Variants in NMRK2 observed in about 807,000 individuals in gnomAD.
The protein encoded by NMRK2 is nicotinamide riboside kinase 2.
In NMRK2, 34 loss-of-function variants were observed where a neutral mutation model predicts 24.7. The observed-to-expected ratio is 1.37, with a 90% confidence interval of 1.05 to 1.83. The LOEUF is 1.83. Among genes scored for constraint, NMRK2 ranks in the 40% most tolerant of loss-of-function variants. NMRK2 has a pLI of 0.00. For synonymous variants in NMRK2, 145 were observed against 125.6 expected, an observed-to-expected ratio of 1.15 and a Z score of -1.03; for missense variants, 341 against 315.0, an observed-to-expected ratio of 1.08 and a Z score of -0.62.
chr19:3,938,722 ATCCTCC>A lies in NMRK2; in HGVS notation c.291_296del (p.Leu98_Leu99del). On this transcript the variant is annotated inframe_deletion, in exon 5 of 8. Coordinates refer to ENST00000168977, the MANE Select transcript of NMRK2 (RefSeq NM_170678.3). ...CCAGCCAGAGGCCTCGGACACCCACATCCTCCTCCTGGAAGGCTTCCTGCTCTACAG... is the reference window on the plus strand; with the variant it reads ...CCAGCCAGAGGCCTCGGACACCCACATCCTGGAAGGCTTCCTGCTCTACAG... The A allele has an allele frequency of 6.2e-7, 1 of 1,608,382 alleles. No individual in the cohort carries two copies. The highest frequency in any genetic ancestry group is 8.5e-7 in the Non-Finnish European group (1 of 1,178,036).
intron 2 of NMRK2, among the ~76,000 whole-genome samples, chr19:3,935,287 G>A (rs1047507373): frequency 4.1e-5 from 5 of 122,612 alleles, no homozygotes; most frequent in Non-Finnish European, 6.4e-5. Flanking sequence ...ACAAAATCTC[G>A]TTCTGTCACC....
At chr19:3,936,696 G>A (rs1353337979) in intron 3 of NMRK2, 31 bp downstream of exon 3, 3 of 1,526,400 alleles carry the variant, frequency 2.0e-6, no homozygotes, top group East Asian at 2.4e-5. Flanking sequence ...AGGTGGAGCT[G>A]AGAGGGGATG....
At chr19:3,936,009 G>A (rs962824147) in intron 2 of NMRK2, among the ~76,000 whole-genome samples, 5 of 152,064 alleles carry the variant, frequency 3.3e-5, no homozygotes, top group South Asian at 2.1e-4. Flanking sequence ...TTAGGAGTTC[G>A]AGACCAGCCT....
At chr19:3,938,160 A>C (rs1173057017) in intron 4 of NMRK2, among the ~76,000 whole-genome samples, 2 of 61,236 alleles carry the variant, frequency 3.3e-5, no homozygotes, top group African/African-American at 6.6e-5. Flanking sequence ...CCCGGGGTCC[A>C]CCCTCCTGCA....
At chr19:3,934,086 A>G (rs2039169293) in intron 2 of NMRK2, among the ~76,000 whole-genome samples, 1 of 152,068 alleles carries the variant, frequency 6.6e-6, no homozygotes, top group East Asian at 1.9e-4. Flanking sequence ...CGTCTCTACT[A>G]AAAATACAAA....
chr19:3,939,128 C>T (rs763651062), intron 5 of NMRK2, among the ~76,000 whole-genome samples: 20 of 151,790 alleles, frequency 1.3e-4, no homozygotes, highest in African/African-American at 3.4e-4. Flanking sequence ...GGATTACAGG[C>T]GTGAGCCACC....
chr19:3,939,848 C>A (rs368814465), intron 5 of NMRK2, 52 bp from the exon 6 acceptor site: 2 of 1,514,230 alleles, frequency 1.3e-6, no homozygotes, highest in Non-Finnish European at 1.8e-6. Context: ...ATTTTGACTG[C>A]GGTTGAAGGA....
intron 5 of NMRK2, 125 bp downstream of exon 5, chr19:3,938,884 T>A: frequency 2.5e-6 from 2 of 807,296 alleles, no homozygotes; most frequent in Non-Finnish European, 3.5e-6. Context: ...GTTTTGCTCT[T>A]GTTGCCCAGG....
At chr19:3,941,974 G>A in intron 7 of NMRK2, 109 bp from the exon 8 acceptor site, 1 of 861,684 alleles carries the variant, frequency 1.2e-6, no homozygotes, top group Admixed American at 2.5e-5. Context: ...ACTGACTCCA[G>A]CAGCCCGACT....
intron 2 of NMRK2, 96 bp from the exon 3 acceptor site, chr19:3,936,479 C>A: frequency 1.3e-6 from 1 of 755,050 alleles, no homozygotes; most frequent in Non-Finnish European, 2.1e-6. Flanking sequence ...ATGGACAGGC[C>A]CCGGGGAGCC....
intron 7 of NMRK2, 49 bp downstream of exon 7, chr19:3,941,226 C>G: frequency 1.1e-6 from 1 of 889,982 alleles, no homozygotes; most frequent in South Asian, 1.4e-5. Flanking sequence ...GCGGGGGGGA[C>G]CCTGGGCCCA....
chr19:3,938,826 TTTTTTTTTTTTTTTTTTG>T (rs2039269221), intron 5 of NMRK2, 67 bp downstream of exon 5: 18 of 515,498 alleles, frequency 3.5e-5, no homozygotes, highest in Non-Finnish European at 4.5e-5. Context: ...TCTCTTGTTT[TTTTTTTTTTTTTTTTTTG>T]TTTTGTTTTT....
At chr19:3,940,801 G>T (rs1490303494) in intron 6 of NMRK2, among the ~76,000 whole-genome samples, 1 of 151,396 alleles carries the variant, frequency 6.6e-6, no homozygotes, top group African/African-American at 2.4e-5. Flanking sequence ...CACAGGCACT[G>T]GCCACTTAGC....
intron 6 of NMRK2, among the ~76,000 whole-genome samples, chr19:3,940,360 A>AC (rs1445560745): frequency 6.9e-6 from 1 of 144,734 alleles, no homozygotes; most frequent in Non-Finnish European, 1.5e-5. Context: ...AAAAAAAAAA[A>AC]GGCGGCCAGG....
Position 3,938,778 on chromosome 19 carries a change from T to C in NMRK2, c.323+19T>C, listed in dbSNP as rs768816975. ...GCTACAAGTAAACATCTGCAGGCTCTGGCCCCAGGCATGGCCCTCTCTGGG... is the reference window on the plus strand; with the variant it reads ...GCTACAAGTAAACATCTGCAGGCTCCGGCCCCAGGCATGGCCCTCTCTGGG... On this transcript the variant is annotated intron_variant, in intron 5 of 7. Coordinates refer to ENST00000168977, the MANE Select transcript of NMRK2 (RefSeq NM_170678.3). 3.3e-6 allele frequency: 5 copies of C among 1,495,540 alleles called. No homozygotes were observed. Among genetic ancestry groups the C allele is most frequent in the Non-Finnish European group, 4.5e-6 (5 of 1,106,422 alleles). The allele number at this position is 1,495,540 out of a possible 1,614,324, so 92.6% of individuals were successfully genotyped here.
Position 3,940,526 on chromosome 19 carries a change from A to G in NMRK2, c.396-545A>G, listed in dbSNP as rs549644816. 1.7e-4 allele frequency among the ~76,000 whole-genome samples: 26 copies of G among 151,370 alleles called. No homozygotes were observed. The South Asian group carries it at 5.4e-3, about 32-fold the overall frequency. ...CGAGATGGGCGGATCACCTGAGGTC[A>G]GGAGTTTGAGACCAGCCTGGCCAAC... On this transcript the variant is annotated intron_variant, in intron 6 of 7. Transcript: ENST00000168977.
In NMRK2 at chr19:3,936,681, C is replaced by CG; in HGVS notation, c.117+20dup. On this transcript the variant is annotated intron_variant, in intron 3 of 7. Transcript: ENST00000168977. The stretch of plus-strand genomic sequence containing the variant: ...CTTCTTCAAGGTGCCCGCCCTTGCC[C>CG]GGGGAGGTGGAGCTGAGAGGGGATG... 1 of 1,545,282 alleles carries CG rather than the reference C, an allele frequency of 6.5e-7. No individual in the cohort carries two copies. Among genetic ancestry groups the CG allele is most frequent in the Non-Finnish European group, 8.7e-7 (1 of 1,144,162 alleles).
At position 3,933,722 on chromosome 19, in the gene NMRK2, C is replaced by T. The variant is rs910675461; in HGVS notation, c.26+25C>T. Reference sequence around the variant, plus strand: ...GGTGAGCGCCGGGGGACCTGGTGGGCGGCCCTGCGGGGCAAAGCCCCCTGT... The same window carrying T: ...GGTGAGCGCCGGGGGACCTGGTGGGTGGCCCTGCGGGGCAAAGCCCCCTGT... On this transcript the variant is annotated intron_variant, in intron 2 of 7. Transcript: ENST00000168977. The T allele has an allele frequency of 1.2e-5, 17 of 1,411,170 alleles. No homozygotes were observed. The African/African-American group carries it at 2.4e-4, about 20-fold the overall frequency. 87.4% of individuals were successfully genotyped at this position (1,411,170 alleles called of 1,614,324 possible). A position where few individuals can be genotyped will look rare whatever the true frequency, so the allele number is the denominator to read the frequency against.
At position 3,938,097 on chromosome 19, in the gene NMRK2, C is replaced by T. The variant is rs185699574; in HGVS notation, c.167-506C>T. On this transcript the variant is annotated intron_variant, in intron 4 of 7. Transcript: ENST00000168977. ...TCCTGCAATACCTGCTCCCCGTCCA[C>T]TGTTCCCCTGGGGTCCGCCCTCCTG... Among the ~76,000 whole-genome samples the T allele has an allele frequency of 2.7e-3, 362 of 133,724 alleles. 6 individuals are homozygous for T. Among genetic ancestry groups the T allele is most frequent in the African/African-American group, 9.7e-3 (333 of 34,310 alleles). The allele number at this position is 133,724 out of a possible 152,430, so 87.7% of individuals were successfully genotyped here. A position where few individuals can be genotyped will look rare whatever the true frequency, so the allele number is the denominator to read the frequency against.
Sources: gnomAD v4.1 joint callset for allele counts (sites outside exome capture counted in the v4.1 genomes callset) on GRCh38, gnomAD v4.1.1 for gene constraint, MANE v1.5 for transcripts, NCBI Gene and HGNC (gene_info 2026-07-23, HGNC 2026-07-21) for gene names.